NNT: variants seen among roughly 807,000 people sequenced by gnomAD.
NNT encodes the protein nicotinamide nucleotide transhydrogenase, also known as NAD(P) transhydrogenase, mitochondrial.
NNT carries 50 observed loss-of-function variants against 104.8 expected under a neutral mutation model. The observed-to-expected ratio is 0.48, with a 90% confidence interval of 0.38 to 0.60. NNT has a LOEUF of 0.60. Among genes scored for constraint, NNT ranks in the 20% least tolerant of loss-of-function variants. The pLI is 0.00. For missense variants in NNT, 1,131 were observed against 1,330.7 expected (o/e 0.85, Z 2.33); for synonymous variants, 461 against 490.4 (o/e 0.94, Z 0.79).
In NNT at chr5:43,704,387, G is replaced by A; in HGVS notation, c.3244G>A (p.Glu1082Lys). Reference sequence around the variant, plus strand: ...TGACGCGCTCCAGGCGAAAGTTAGAGAATCCTATCAGAAGTAAATATTAAG... The same window carrying A: ...TGACGCGCTCCAGGCGAAAGTTAGAAAATCCTATCAGAAGTAAATATTAAG... Reference protein sequence around the residue: ...TCDALQAKVRESYQK With the variant: ...TCDALQAKVRKSYQK The change falls in exon 22 of 22, where the codon GAA becomes AAA. Residue 1082 changes from glutamate (E) to lysine (K), a missense_variant. Glu to Lys is a moderately conservative substitution (Grantham distance 56). Coordinates refer to ENST00000344920, the MANE Select transcript of NNT (RefSeq NM_182977.3). 1 of 1,613,626 alleles carries A rather than the reference G, an allele frequency of 6.2e-7. No homozygotes were observed. Among genetic ancestry groups the A allele is most frequent in the East Asian group, 2.2e-5 (1 of 44,854 alleles).
chr5:43,679,583 C>G lies in NNT; in HGVS notation c.2876+1777C>G, dbSNP rs148247214. ...AAATAAGAGAGATGGGAAAAATGAT[C>G]TGAAAGGAAAAAGGATAAGACAAAT... is the stretch of plus-strand genomic sequence containing the variant. On this transcript the variant is annotated intron_variant, in intron 19 of 21. Coordinates refer to ENST00000344920, the MANE Select transcript of NNT (RefSeq NM_182977.3). Among the ~76,000 whole-genome samples the G allele has an allele frequency of 3.8e-3, 576 of 152,112 alleles. 8 individuals carry two copies. The highest frequency in any genetic ancestry group is 0.013 in the African/African-American group (549 of 41,508).
At chr5:43,673,187 CT>C (rs967893205) in intron 17 of NNT, among the ~76,000 whole-genome samples, 1 of 152,210 alleles carries the variant, frequency 6.6e-6, no homozygotes, top group African/African-American at 2.4e-5. Flanking sequence ...TCCATCACCG[CT>C]TCCCTTGGCT....
At chr5:43,665,705 G>A (rs180919071) in intron 17 of NNT, among the ~76,000 whole-genome samples, 18,271 of 123,320 alleles carry the variant, frequency 0.15, 2,620 homozygotes, top group Non-Finnish European at 0.23. Context: ...CGACAAAACC[G>A]CCATCGTCAT....
intron 7 of NNT, among the ~76,000 whole-genome samples, chr5:43,639,268 G>A (rs746823645): frequency 1.4e-4 from 21 of 152,216 alleles, no homozygotes; most frequent in Non-Finnish European, 2.6e-4. Context: ...ATACATGGTT[G>A]AGAAAAGATA....
chr5:43,632,423 T>C (rs1750722035), intron 7 of NNT, among the ~76,000 whole-genome samples: 2 of 152,214 alleles, frequency 1.3e-5, no homozygotes, highest in Admixed American at 6.5e-5. Context: ...TTTACGGAGT[T>C]AGTAAATTTT....
Position 43,645,353 on chromosome 5 carries a change from T to C in NNT, c.1291-4T>C. On this transcript the variant is annotated splice_region_variant and splice_polypyrimidine_tract_variant and intron_variant, in intron 9 of 21. Coordinates refer to ENST00000344920, the MANE Select transcript of NNT (RefSeq NM_182977.3). ...AATACGTACTATTTTTTAATGTCTA[T>C]TAGGATGGTAAAGTGATTTTCCCAG... 1 of 1,520,912 alleles carries C rather than the reference T, an allele frequency of 6.6e-7. No individual in the cohort carries two copies. Among genetic ancestry groups the C allele is most frequent in the East Asian group, 2.5e-5 (1 of 40,022 alleles). The allele number at this position is 1,520,912 out of a possible 1,614,324, so 94.2% of individuals were successfully genotyped here. A position where few individuals can be genotyped will look rare whatever the true frequency, so the allele number is the denominator to read the frequency against.
At chr5:43,691,070 A>AGAGAGAGAGT (rs1245517310) in intron 19 of NNT, among the ~76,000 whole-genome samples, 101 of 137,402 alleles carry the variant, frequency 7.4e-4, no homozygotes, top group South Asian at 1.2e-3. Context: ...TTTTTGAGAG[A>AGAGAGAGAGT]GTGTGTGTGT....
At chr5:43,702,581 T>C (rs1338121249) in intron 20 of NNT, 40 bp from the exon 21 acceptor site, 7 of 1,264,004 alleles carry the variant, frequency 5.5e-6, no homozygotes, top group South Asian at 1.4e-5. Flanking sequence ...AAAGTGACCA[T>C]TTGAGTTTTA....
intron 7 of NNT, among the ~76,000 whole-genome samples, chr5:43,635,991 A>T (rs1750911603): frequency 6.6e-6 from 1 of 152,090 alleles, no homozygotes; most frequent in South Asian, 2.1e-4. Context: ...TTGTAATTTT[A>T]TGTGTTAATG....
chr5:43,636,164 T>C (rs1395772899), intron 7 of NNT, among the ~76,000 whole-genome samples: 3 of 152,214 alleles, frequency 2.0e-5, no homozygotes, highest in African/African-American at 4.8e-5. Context: ...CAAAGTTGTT[T>C]TGAGGAATGA....
At position 43,707,188 on chromosome 5, in the gene NNT, A is replaced by C. The variant is rs562156247; in HGVS notation, c.*2784A>C. ...TGCTGAAATAAATGTGATCTTTCCC[A>C]TTAAAAAAATAAAGAAATTTTGGGG... On this transcript the variant is annotated 3_prime_UTR_variant, in exon 22 of 22. Coordinates refer to ENST00000344920, the MANE Select transcript of NNT (RefSeq NM_182977.3). 10 of 152,048 alleles carry C rather than the reference A, an allele frequency of 6.6e-5. No homozygotes were observed. The South Asian group carries it at 2.1e-3, about 32-fold the overall frequency. 9.4% of individuals were successfully genotyped at this position (152,048 alleles called of 1,614,324 possible). A position where few individuals can be genotyped will look rare whatever the true frequency, so the allele number is the denominator to read the frequency against.
chr5:43,703,374 A>G (rs1023938792), intron 21 of NNT, among the ~76,000 whole-genome samples: 1 of 152,140 alleles, frequency 6.6e-6, no homozygotes, highest in South Asian at 2.1e-4. Flanking sequence ...TTTCCATTTA[A>G]TTTCGTTTCT....
chr5:43,665,975 C>G (rs1039124986), intron 17 of NNT, among the ~76,000 whole-genome samples: 1 of 151,632 alleles, frequency 6.6e-6, no homozygotes, highest in Non-Finnish European at 1.5e-5. Flanking sequence ...CCGGCAGAGG[C>G]GCTCTTCACA....
At chr5:43,639,555 G>C (rs1302902579) in intron 7 of NNT, among the ~76,000 whole-genome samples, 1 of 152,088 alleles carries the variant, frequency 6.6e-6, no homozygotes, top group Non-Finnish European at 1.5e-5. Context: ...TTTGAATGCA[G>C]CCACTTTTAG....
intron 7 of NNT, among the ~76,000 whole-genome samples, chr5:43,631,190 G>C (rs988089505): frequency 6.6e-6 from 1 of 152,162 alleles, no homozygotes; most frequent in African/African-American, 2.4e-5. Flanking sequence ...GGTTTCGGCA[G>C]GGCTCAGGCA....
Position 43,675,646 on chromosome 5 carries a change from G to A in NNT, c.2770G>A (p.Ala924Thr). The A allele has an allele frequency of 6.2e-7, 1 of 1,606,692 alleles. No homozygotes were observed. Among genetic ancestry groups the A allele is most frequent in the Non-Finnish European group, 8.5e-7 (1 of 1,177,008 alleles). Residue 924 changes from alanine (A) to threonine (T), a missense_variant, in exon 18 of 22, where the codon GCT (alanine) becomes ACT (threonine). Coordinates refer to ENST00000344920, the MANE Select transcript of NNT (RefSeq NM_182977.3). ...CAATGCAATTGACATGATTCGAGAA[G>A]CTAATAGCATTATTATTACACCAGG... ...LDNAIDMIREANSIIITPGYG... is the reference protein window; with the variant it reads ...LDNAIDMIRETNSIIITPGYG...
Position 43,655,821 on chromosome 5 carries a change from T to C in NNT, c.2060-19T>C, listed in dbSNP as rs756652418. ...AAAAGTTTGTCAAGTTTTAATTTAT[T>C]TTTGACCTTTCATAACAGGATTGAC... On this transcript the variant is annotated intron_variant, in intron 14 of 21. Coordinates refer to ENST00000344920, the MANE Select transcript of NNT (RefSeq NM_182977.3). The C allele has an allele frequency of 5.1e-6, 8 of 1,581,532 alleles. No homozygotes were observed. The highest frequency in any genetic ancestry group is 1.3e-5 in the African/African-American group (1 of 74,178).
chr5:43,674,711 G>A (rs891386796), intron 17 of NNT, among the ~76,000 whole-genome samples: 1 of 152,064 alleles, frequency 6.6e-6, no homozygotes, highest in East Asian at 1.9e-4. Context: ...CCCACCTCCA[G>A]AGGTCTACAA....
chr5:43,704,452 G>A lies in NNT; in HGVS notation c.*48G>A. 1 of 1,595,898 alleles carries A rather than the reference G, an allele frequency of 6.3e-7. No homozygotes were observed. Among genetic ancestry groups the A allele is most frequent in the Non-Finnish European group, 8.6e-7 (1 of 1,166,918 alleles). On this transcript the variant is annotated 3_prime_UTR_variant, in exon 22 of 22. Coordinates refer to ENST00000344920, the MANE Select transcript of NNT (RefSeq NM_182977.3). The stretch of plus-strand genomic sequence containing the variant: ...CTAATAATGCCACCTCTGCAGTTTT[G>A]GGAACAGGCAAATAAAGTATCAGTA...
Sources: allele counts gnomAD v4.1 joint callset (sites outside exome capture counted in the v4.1 genomes callset), GRCh38; gene constraint gnomAD v4.1.1; transcripts MANE v1.5; gene names NCBI Gene and HGNC (gene_info 2026-07-23, HGNC 2026-07-21).